Variants in EDIL3 observed in about 807,000 individuals in gnomAD.
The protein encoded by EDIL3 is EGF-like repeat and discoidin I-like domain-containing protein 3.
A neutral mutation model predicts 67.4 loss-of-function variants in EDIL3; 37 were observed. The ratio of observed to expected loss-of-function variants is 0.55; its 90% CI spans 0.42 to 0.72. The LOEUF (loss-of-function observed/expected upper bound fraction) is 0.72, where lower values mean the gene tolerates loss of function less well. EDIL3 is among the 30% of genes least tolerant of loss of function. EDIL3 has a pLI of 0.00. For missense variants in EDIL3, 527 were observed against 586.3 expected, an observed-to-expected ratio of 0.90 and a Z score of 1.04; for synonymous variants, 195 against 196.3, an observed-to-expected ratio of 0.99 and a Z score of 0.05.
intron 1 of EDIL3, among the ~76,000 whole-genome samples, chr5:84,347,295 A>C (rs111517962): frequency 0.018 from 2,808 of 152,280 alleles, 97 homozygotes; most frequent in African/African-American, 0.064. Context: ...CTCATCTCAC[A>C]CTGCTCTAAA....
chr5:84,051,235 G>T (rs1425548618), intron 9 of EDIL3, among the ~76,000 whole-genome samples: 1 of 152,182 alleles, frequency 6.6e-6, no homozygotes, highest in Non-Finnish European at 1.5e-5. Context: ...AACTCCAACA[G>T]ACCTGCAGCT....
chr5:84,161,538 T>C (rs890742086), intron 4 of EDIL3, among the ~76,000 whole-genome samples: 5 of 152,134 alleles, frequency 3.3e-5, no homozygotes, highest in Admixed American at 6.6e-5. Flanking sequence ...TGTTTCTACC[T>C]GATCCTGAAT....
chr5:84,378,799 C>T (rs1023856167), intron 1 of EDIL3, among the ~76,000 whole-genome samples: 3 of 152,158 alleles, frequency 2.0e-5, no homozygotes, highest in Admixed American at 2.0e-4. Flanking sequence ...TCCTGAGTTG[C>T]TCCATGATTT....
chr5:84,038,097 G>A (rs572949731), intron 9 of EDIL3, among the ~76,000 whole-genome samples: 2 of 148,372 alleles, frequency 1.3e-5, no homozygotes, highest in Admixed American at 1.3e-4. Flanking sequence ...CTGCCTCCCG[G>A]GTTCAAGCAA....
At chr5:84,139,240 G>A (rs1748146505) in intron 4 of EDIL3, among the ~76,000 whole-genome samples, 3 of 145,654 alleles carry the variant, frequency 2.1e-5, no homozygotes, top group Admixed American at 1.4e-4. Context: ...CTGTCTCGGG[G>A]GAAAAAAAGT....
intron 6 of EDIL3, among the ~76,000 whole-genome samples, chr5:84,092,213 A>G (rs1440816755): frequency 1.3e-5 from 2 of 152,206 alleles, no homozygotes; most frequent in Non-Finnish European, 1.5e-5. Flanking sequence ...TGATAAAAGC[A>G]AGTTGTTACC....
At chr5:84,147,381 A>G (rs1011265078) in intron 4 of EDIL3, among the ~76,000 whole-genome samples, 5 of 152,130 alleles carry the variant, frequency 3.3e-5, no homozygotes, top group Admixed American at 2.0e-4. Context: ...ATATCTCTTG[A>G]CAAACAAGTA....
At position 84,262,659 on chromosome 5, in the gene EDIL3, G is replaced by GTTTTTTTTTTTTTTTTTTTT. The variant is rs773035274; in HGVS notation, c.68-8467_68-8448dup. On this transcript the variant is annotated intron_variant, in intron 1 of 10. Transcript: ENST00000296591. The stretch of plus-strand genomic sequence containing the variant: ...AAACTACAATTCCCAAGGTTGGTTG[G>GTTTTTTTTTTTTTTTTTTTT]TTTTTTTTTTTTTTTTTTTTTTTTT... Among the ~76,000 whole-genome samples, 125 of 46,318 alleles carry GTTTTTTTTTTTTTTTTTTTT rather than the reference G, an allele frequency of 2.7e-3. 39 individuals carry two copies. The highest frequency in any genetic ancestry group is 5.2e-3 in the East Asian group (6 of 1,152). The allele number at this position is 46,318 out of a possible 152,430, so 30.4% of individuals were successfully genotyped here.
chr5:84,001,542 A>T (rs991596197), intron 9 of EDIL3, among the ~76,000 whole-genome samples: 3 of 151,892 alleles, frequency 2.0e-5, no homozygotes, highest in African/African-American at 7.3e-5. Flanking sequence ...TTTTAGCCTT[A>T]CTCCCCCACT....
intron 1 of EDIL3, among the ~76,000 whole-genome samples, chr5:84,280,073 G>A (rs1745666589): frequency 6.6e-6 from 1 of 152,156 alleles, no homozygotes; most frequent in African/African-American, 2.4e-5. Flanking sequence ...TATCACCAAA[G>A]GGCAATGGCT....
chr5:84,194,017 T>A (rs1274313666), intron 3 of EDIL3, among the ~76,000 whole-genome samples: 2 of 151,960 alleles, frequency 1.3e-5, no homozygotes, highest in Non-Finnish European at 2.9e-5. Flanking sequence ...GGAACCACTT[T>A]CACATTTTTT....
intron 1 of EDIL3, among the ~76,000 whole-genome samples, chr5:84,340,532 C>CTATATATATA (rs1554043229): frequency 1.2e-4 from 8 of 66,594 alleles, no homozygotes; most frequent in Non-Finnish European, 2.0e-4. Flanking sequence ...CTCTCTCTCT[C>CTATATATATA]TCTATATATA....
At position 84,377,639 on chromosome 5, in the gene EDIL3, A is replaced by C. The variant is rs192817878; in HGVS notation, c.67+6669T>G. Among the ~76,000 whole-genome samples the C allele has an allele frequency of 3.0e-3, 464 of 152,352 alleles. 3 individuals carry two copies. The highest frequency in any genetic ancestry group is 0.01 in the African/African-American group (433 of 41,584). On this transcript the variant is annotated intron_variant, in intron 1 of 10. Transcript: ENST00000296591. ...ACCAAGCACAAACCTTAAGGAATGC[A>C]TGGTGGCCTAACCCCATTTAGAGAT... is the stretch of plus-strand genomic sequence containing the variant.
At chr5:84,321,447 TA>T (rs1746647036) in intron 1 of EDIL3, among the ~76,000 whole-genome samples, 1 of 152,120 alleles carries the variant, frequency 6.6e-6, no homozygotes, top group South Asian at 2.1e-4. Context: ...TCTCTGTACT[TA>T]AACAACAAAT....
At chr5:84,253,756 T>G (rs1236480783) in intron 2 of EDIL3, among the ~76,000 whole-genome samples, 4 of 151,984 alleles carry the variant, frequency 2.6e-5, no homozygotes, top group South Asian at 2.1e-4. Flanking sequence ...TTGAATAAAT[T>G]GACTTTGGAG....
In EDIL3 at chr5:84,225,712, T is replaced by C. The variant is rs150585637; in HGVS notation, c.226+4143A>G. Among the ~76,000 whole-genome samples the C allele has an allele frequency of 3.6e-3, 552 of 151,714 alleles. 1 individual carries two copies. The highest frequency in any genetic ancestry group is 5.8e-3 in the Non-Finnish European group (391 of 67,582). ...TAAAAATAGTTCTAAACAATGAGAA[T>C]AGATCATAACTATTGAATTATAATC... On this transcript the variant is annotated intron_variant, in intron 3 of 10. Coordinates refer to ENST00000296591, the MANE Select transcript of EDIL3 (RefSeq NM_005711.5).
intron 9 of EDIL3, among the ~76,000 whole-genome samples, chr5:83,987,856 T>C (rs909531086): frequency 8.7e-5 from 8 of 91,876 alleles, no homozygotes; most frequent in Non-Finnish European, 2.1e-5. Context: ...GCTGATAGGG[T>C]GTGTGTGTGT....
intron 3 of EDIL3, among the ~76,000 whole-genome samples, chr5:84,210,986 G>T (rs1230810115): frequency 6.6e-6 from 1 of 152,114 alleles, no homozygotes; most frequent in Non-Finnish European, 1.5e-5. Context: ...AGGTTGAATG[G>T]TGCTCCGCCA....
chr5:84,227,209 C>G (rs998095266), intron 3 of EDIL3, among the ~76,000 whole-genome samples: 13 of 151,774 alleles, frequency 8.6e-5, no homozygotes, highest in African/African-American at 3.1e-4. Context: ...AGTCTAACAT[C>G]CAGAATCTAT....
Sources: gnomAD v4.1 joint callset for allele counts (sites outside exome capture counted in the v4.1 genomes callset) on GRCh38, gnomAD v4.1.1 for gene constraint, MANE v1.5 for transcripts, NCBI Gene and HGNC (gene_info 2026-07-23, HGNC 2026-07-21) for gene names.